The following CBLIF variants were observed in gnomAD, a reference collection of about 807,000 sequenced individuals.
The protein encoded by CBLIF is cobalamin binding intrinsic factor.
Under a neutral mutation model 44.9 loss-of-function variants are expected in CBLIF, and 24 were observed. The observed-to-expected ratio is 0.53, with a 90% CI of 0.39 to 0.75. The LOEUF (loss-of-function observed/expected upper bound fraction) is 0.75, where lower values mean the gene tolerates loss of function less well. Among genes scored for constraint, CBLIF ranks in the 30% least tolerant of loss-of-function variants. CBLIF has a pLI of 0.00. For synonymous variants in CBLIF, 183 were observed against 190.9 expected (o/e 0.96, Z 0.34); for missense variants, 481 against 513.0 (o/e 0.94, Z 0.60).
intron 6 of CBLIF, among the ~76,000 whole-genome samples, chr11:59,836,813 A>G (rs1040374327): frequency 6.6e-6 from 1 of 152,260 alleles, no homozygotes; most frequent in Non-Finnish European, 1.5e-5. Flanking sequence ...TGTGAAAGGC[A>G]GATATGATAA....
intron 7 of CBLIF, among the ~76,000 whole-genome samples, chr11:59,835,497 C>T (rs1362581713): frequency 6.6e-6 from 1 of 152,184 alleles, no homozygotes; most frequent in Admixed American, 6.5e-5. Flanking sequence ...GGACTTACCT[C>T]TTCCCACATC....
chr11:59,841,973 A>T (rs1013363960), intron 4 of CBLIF, among the ~76,000 whole-genome samples: 4 of 152,182 alleles, frequency 2.6e-5, no homozygotes, highest in Middle Eastern at 3.2e-3. Context: ...CCGAGTTGCC[A>T]TGAAGGGAAA....
rs2064342640 is a variant in CBLIF at position 59,836,573 on chromosome 11, C to T, written c.872-564G>A. Among the ~76,000 whole-genome samples, 4 of 152,080 alleles carry T rather than the reference C, an allele frequency of 2.6e-5. No individual in the cohort carries two copies. In the South Asian group the frequency reaches 8.3e-4, roughly 32 times the overall value. On this transcript the variant is annotated intron_variant, in intron 6 of 8. Transcript: ENST00000257248. ...AATTAAAAAGTGGCATGCTAGGTTTCCACTCCATCTCATTGATATATTGCG... is the reference window on the plus strand; with the variant it reads ...AATTAAAAAGTGGCATGCTAGGTTTTCACTCCATCTCATTGATATATTGCG...
intron 1 of CBLIF, chr11:59,845,151 C>CT: frequency 1.8e-6 from 1 of 563,202 alleles, no homozygotes. Flanking sequence ...GTGTGAGCCA[C>CT]TGCACCTGGC....
In CBLIF at chr11:59,829,285, A is replaced by G. The variant is rs1866335858; in HGVS notation, c.*199T>C. ...GGCAGTCATTGTGTTGAGAAGATGAAAATTTTATTTTCATGAGTCATAGAT... is the reference window on the plus strand; with the variant it reads ...GGCAGTCATTGTGTTGAGAAGATGAGAATTTTATTTTCATGAGTCATAGAT... On this transcript the variant is annotated 3_prime_UTR_variant, in exon 9 of 9. Coordinates refer to ENST00000257248, the MANE Select transcript of CBLIF (RefSeq NM_005142.3). The G allele has an allele frequency of 9.2e-6, 5 of 545,846 alleles. No homozygotes were observed. The South Asian group carries it at 9.8e-5, about 11-fold the overall frequency. The allele number at this position is 545,846 out of a possible 1,614,324, so 33.8% of individuals were successfully genotyped here.
intron 3 of CBLIF, 30 bp downstream of exon 3, chr11:59,842,998 A>AGGG (rs749917059): frequency 1.5e-6 from 2 of 1,321,858 alleles, no homozygotes; most frequent in Admixed American, 3.4e-5. Flanking sequence ...CATATGCCTG[A>AGGG]CTCTTTTCTC....
chr11:59,837,248 A>G lies in CBLIF; in HGVS notation c.797T>C (p.Met266Thr), dbSNP rs748783434. ...GGAAGGGAGGATTTGAGCAATGGAC[A>G]TGGGGTTGTGGAATTTCCCCTGCTT... ...EIKQGKFHNP[M>T]SIAQILPSLK... The change falls in exon 6 of 9, where the codon ATG becomes ACG. Residue 266 changes from methionine to threonine, a missense_variant. Physicochemically the swap from Met to Thr is moderately conservative, Grantham distance 81 (BLOSUM62 -1). Coordinates refer to ENST00000257248, the MANE Select transcript of CBLIF (RefSeq NM_005142.3). The G allele has an allele frequency of 2.5e-6, 4 of 1,613,716 alleles. No individual in the cohort carries two copies. Among genetic ancestry groups the G allele is most frequent in the African/African-American group, 1.3e-5 (1 of 74,916 alleles).
intron 1 of CBLIF, 64 bp from the exon 2 acceptor site, chr11:59,844,119 C>T (rs963065560): frequency 1.4e-5 from 17 of 1,256,230 alleles, no homozygotes; most frequent in Admixed American, 5.1e-5. Context: ...ACATTATCCC[C>T]GTGTCTTTGA....
intron 4 of CBLIF, 85 bp from the exon 5 acceptor site, chr11:59,841,409 T>C (rs1219522417): frequency 2.1e-6 from 2 of 943,778 alleles, no homozygotes; most frequent in African/African-American, 1.6e-5. Context: ...CTTATTATAT[T>C]CTGGCTCCAT....
At chr11:59,833,554 A>G (rs747971548) in intron 7 of CBLIF, among the ~76,000 whole-genome samples, 2 of 151,962 alleles carry the variant, frequency 1.3e-5, no homozygotes, top group Non-Finnish European at 2.9e-5. Context: ...TTGAAGTGCA[A>G]TTTTTATCCT....
chr11:59,843,476 G>T (rs1866565465), intron 2 of CBLIF, among the ~76,000 whole-genome samples: 1 of 152,140 alleles, frequency 6.6e-6, no homozygotes, highest in South Asian at 2.1e-4. Context: ...GAGCCTGCAG[G>T]CAGCTCCTGG....
At chr11:59,832,093 A>G (rs977461063) in intron 7 of CBLIF, among the ~76,000 whole-genome samples, 2 of 152,206 alleles carry the variant, frequency 1.3e-5, no homozygotes, top group Non-Finnish European at 2.9e-5. Context: ...ATCAGATAAA[A>G]TCAAATGAGA....
At chr11:59,841,365 C>T in intron 4 of CBLIF, 41 bp from the exon 5 acceptor site, 1 of 1,356,822 alleles carries the variant, frequency 7.4e-7, no homozygotes, top group Non-Finnish European at 1.1e-6. Flanking sequence ...TAGTCACCAT[C>T]ACAGCAATAT....
chr11:59,835,769 G>A, intron 7 of CBLIF, 39 bp downstream of exon 7: 1 of 1,453,328 alleles, frequency 6.9e-7, no homozygotes, highest in Non-Finnish European at 9.7e-7. Context: ...ATTCAGATCA[G>A]GCCTTGAGAG....
chr11:59,840,911 A>G, intron 5 of CBLIF: 2 of 474,658 alleles, frequency 4.2e-6, no homozygotes, highest in South Asian at 3.1e-5. Flanking sequence ...CCCAAGAAAG[A>G]GAAACAAGTT....
At chr11:59,835,559 C>G (rs1866443243) in intron 7 of CBLIF, among the ~76,000 whole-genome samples, 1 of 152,180 alleles carries the variant, frequency 6.6e-6, no homozygotes, top group African/African-American at 2.4e-5. Context: ...GTCTCTTTTG[C>G]CTGTTCTACT....
chr11:59,844,076 TACTC>T (rs1376421343), intron 1 of CBLIF, 21 bp from the exon 2 acceptor site: 8 of 1,588,886 alleles, frequency 5.0e-6, no homozygotes, highest in Non-Finnish European at 6.0e-6. Context: ...GAAAGCCATT[TACTC>T]ACCTTCTAAC....
intron 8 of CBLIF, among the ~76,000 whole-genome samples, chr11:59,830,454 G>A (rs1391396863): frequency 1.3e-5 from 2 of 151,848 alleles, no homozygotes; most frequent in Non-Finnish European, 2.9e-5. Context: ...AGCCAGGATG[G>A]TCTTGATCTC....
At chr11:59,837,048 T>G (rs1866464688) in intron 6 of CBLIF, 126 bp downstream of exon 6, 1 of 775,330 alleles carries the variant, frequency 1.3e-6, no homozygotes, top group East Asian at 2.5e-5. Context: ...GGACTGGGAG[T>G]CAGATGTACT....
Sources: allele counts gnomAD v4.1 joint callset (sites outside exome capture counted in the v4.1 genomes callset), GRCh38; gene constraint gnomAD v4.1.1; transcripts MANE v1.5; gene names NCBI Gene and HGNC (gene_info 2026-07-23, HGNC 2026-07-21).